Variants in FRMD3 observed in about 807,000 individuals in gnomAD.
FRMD3 encodes FERM domain containing 3, also known as FERM domain-containing protein 3.
A neutral mutation model predicts 70.2 loss-of-function variants in FRMD3; 33 were observed. The ratio of observed to expected loss-of-function variants is 0.47; its 90% CI spans 0.36 to 0.63. The LOEUF (loss-of-function observed/expected upper bound fraction) is 0.63, where lower values mean the gene tolerates loss of function less well. Among genes scored for constraint, FRMD3 ranks in the 20% least tolerant of loss-of-function variants. FRMD3 has a pLI of 0.00. For synonymous variants in FRMD3, 279 were observed against 255.9 expected (o/e 1.09, Z -0.86); for missense variants, 632 against 711.4 (o/e 0.89, Z 1.27).
At position 83,461,665 on chromosome 9, in the gene FRMD3, C is replaced by CTTTTT. The variant is rs200147815; in HGVS notation, c.148-71962_148-71958dup. On this transcript the variant is annotated intron_variant, in intron 1 of 13. Coordinates refer to ENST00000304195, the MANE Select transcript of FRMD3 (RefSeq NM_174938.6). ...AATCTTAATTCCTTCAGGAATTTCC[C>CTTTTT]TTTTTTTTTTTTTTTTTTTTTTTTT... Among the ~76,000 whole-genome samples the CTTTTT allele has an allele frequency of 4.2e-4, 30 of 70,692 alleles. 3 individuals carry two copies. Among genetic ancestry groups the CTTTTT allele is most frequent in the East Asian group, 7.5e-4 (2 of 2,676 alleles). 46.4% of individuals were successfully genotyped at this position (70,692 alleles called of 152,430 possible).
intron 1 of FRMD3, among the ~76,000 whole-genome samples, chr9:83,434,698 A>C (rs1827080944): frequency 6.6e-6 from 1 of 152,004 alleles, no homozygotes; most frequent in Non-Finnish European, 1.5e-5. Context: ...TTTCCAGTGG[A>C]GGTCAAGGAG....
chr9:83,343,002 C>T (rs1274696484), intron 5 of FRMD3, among the ~76,000 whole-genome samples, 188 bp downstream of exon 5: 1 of 152,130 alleles, frequency 6.6e-6, no homozygotes, highest in Non-Finnish European at 1.5e-5. Context: ...CTCAGCCCAG[C>T]CTTTCACCGG....
rs566418295 is a variant in FRMD3 at position 83,301,968 on chromosome 9, C to T, written c.927-2782G>A. ...AGACAGTTGCCTCAGAGCATTCCCA[C>T]GAATCCCCTGCCCTCCCAAATGTCC... On this transcript the variant is annotated intron_variant, in intron 10 of 13. Transcript: ENST00000304195. Among the ~76,000 whole-genome samples the T allele has an allele frequency of 5.3e-5, 8 of 152,318 alleles. No homozygotes were observed. The South Asian group carries it at 8.3e-4, about 16-fold the overall frequency.
Position 83,538,143 on chromosome 9 carries a change from T to G in FRMD3, c.89A>C (p.Gln30Pro). Residue 30 changes from glutamine (Q) to proline (P), a missense_variant, in exon 1 of 14, where the codon CAG (glutamine) becomes CCG (proline). Physicochemically the swap from Gln to Pro is moderately conservative, Grantham distance 76. This residue lies in a region of FRMD3 where 208 missense variants were observed against 247.7 expected (regional missense o/e 0.84). Transcript: ENST00000304195. This position sits in a 1 kb window ranked among gnomAD's most constrained non-coding sequence, Gnocchi z 4.7. ...FRSSSVKSLSQEMRCTIRLLD... is the reference protein window; with the variant it reads ...FRSSSVKSLSPEMRCTIRLLD... The stretch of plus-strand genomic sequence containing the variant: ...CAGCCGGATGGTGCATCTCATCTCC[T>G]GGCTGAGCGATTTGACGCTGGAGCT... 6.2e-7 allele frequency: 1 copy of G among 1,613,608 alleles called. No individual in the cohort carries two copies. Among genetic ancestry groups the G allele is most frequent in the Admixed American group, 1.7e-5 (1 of 59,990 alleles).
At position 83,537,907 on chromosome 9, in the gene FRMD3, C is replaced by A. The variant is rs1272372010; in HGVS notation, c.147+178G>T. 6.6e-6 allele frequency among the ~76,000 whole-genome samples: 1 copy of A among 151,968 alleles called. No individual in the cohort carries two copies. Among genetic ancestry groups the A allele is most frequent in the Non-Finnish European group, 1.5e-5 (1 of 67,972 alleles). On this transcript the variant is annotated intron_variant, in intron 1 of 13. Coordinates refer to ENST00000304195, the MANE Select transcript of FRMD3 (RefSeq NM_174938.6). The surrounding 1 kb of genome is among the most constrained non-coding windows in gnomAD (Gnocchi z 4.1). ...GCCTGGCGCTTGCAGGGCACCATGC[C>A]CCTCCATGCCAGGATAAGGCCCCCC...
chr9:83,280,674 G>A (rs1833947915), intron 13 of FRMD3, among the ~76,000 whole-genome samples: 1 of 151,934 alleles, frequency 6.6e-6, no homozygotes, highest in African/African-American at 2.4e-5. Context: ...AAAAATATTT[G>A]TGCATACAAA....
chr9:83,358,641 C>A (rs1415644485), intron 3 of FRMD3, among the ~76,000 whole-genome samples: 1 of 151,430 alleles, frequency 6.6e-6, no homozygotes, highest in Admixed American at 6.6e-5. Flanking sequence ...TTGTAGAGGT[C>A]TTTCACCTCC....
the FRMD3 span, among the ~76,000 whole-genome samples, chr9:83,555,564 T>C: frequency 6.6e-6 from 1 of 152,226 alleles, no homozygotes; most frequent in Non-Finnish European, 1.5e-5. Context: ...GCAATGCCAC[T>C]ACTGGTAGCC....
At chr9:83,385,732 G>A (rs1267104126) in intron 2 of FRMD3, among the ~76,000 whole-genome samples, 1 of 147,300 alleles carries the variant, frequency 6.8e-6, no homozygotes, top group Non-Finnish European at 1.5e-5. Context: ...AAAAATACAG[G>A]AGCTGGTGAA....
intron 13 of FRMD3, among the ~76,000 whole-genome samples, chr9:83,262,169 C>T (rs1833023733): frequency 2.0e-5 from 3 of 152,290 alleles, no homozygotes; most frequent in Middle Eastern, 3.4e-3. Context: ...TCAGAACCCT[C>T]CAATGAGATT....
intron 2 of FRMD3, among the ~76,000 whole-genome samples, chr9:83,381,540 A>G (rs1825355010): frequency 7.3e-6 from 1 of 137,212 alleles, no homozygotes; most frequent in South Asian, 2.3e-4. Context: ...TGGGTGGCAG[A>G]GTGCAAAAAA....
the FRMD3 span, among the ~76,000 whole-genome samples, chr9:83,584,061 C>T: frequency 9.2e-5 from 14 of 152,016 alleles, no homozygotes; most frequent in South Asian, 4.1e-4. Context: ...CTTGGCCGGG[C>T]GTGGTGGCTC....
intron 3 of FRMD3, among the ~76,000 whole-genome samples, chr9:83,366,176 T>C (rs1260750284): frequency 6.6e-6 from 1 of 151,772 alleles, no homozygotes; most frequent in African/African-American, 2.4e-5. Flanking sequence ...AAGCTCTTCA[T>C]ATGGAAGAAA....
chr9:83,270,460 C>T (rs1469557566), intron 13 of FRMD3, among the ~76,000 whole-genome samples: 1 of 152,134 alleles, frequency 6.6e-6, no homozygotes, highest in Non-Finnish European at 1.5e-5. Flanking sequence ...ATCTGGGAGC[C>T]CTGGTGCCTT....
At chr9:83,259,897 G>A (rs1924242) in intron 13 of FRMD3, among the ~76,000 whole-genome samples, 74,838 of 151,906 alleles carry the variant, frequency 0.49, 20,385 homozygotes, top group South Asian at 0.74. Flanking sequence ...GGTGAAGGAA[G>A]AGTGGGAGAG....
chr9:83,369,883 G>A (rs1029939474), intron 3 of FRMD3, among the ~76,000 whole-genome samples: 3 of 152,214 alleles, frequency 2.0e-5, no homozygotes, highest in South Asian at 2.1e-4. Context: ...ATAGAGGGAG[G>A]AGCAAGGAAA....
At chr9:83,390,293 C>A (rs182894185) in intron 1 of FRMD3, among the ~76,000 whole-genome samples, 3 of 152,310 alleles carry the variant, frequency 2.0e-5, no homozygotes, top group Non-Finnish European at 4.4e-5. Context: ...CCACTTTGAC[C>A]CCCTGGAGCA....
At chr9:83,520,118 T>C (rs1308949619) in intron 1 of FRMD3, among the ~76,000 whole-genome samples, 2 of 152,150 alleles carry the variant, frequency 1.3e-5, no homozygotes, top group African/African-American at 4.8e-5. Flanking sequence ...GTTCTGCACA[T>C]GTATCCCAGA....
chr9:83,465,865 C>G (rs1193243873), intron 1 of FRMD3, among the ~76,000 whole-genome samples: 1 of 152,190 alleles, frequency 6.6e-6, no homozygotes, highest in East Asian at 1.9e-4. Flanking sequence ...TTGAGAAAGT[C>G]TTAATCATGA....
Sources: allele counts gnomAD v4.1 joint callset (sites outside exome capture counted in the v4.1 genomes callset), GRCh38; gene constraint gnomAD v4.1.1; regional missense constraint gnomAD v4.1.1; non-coding constraint Gnocchi (gnomAD v3.1); transcripts MANE v1.5; gene names NCBI Gene and HGNC (gene_info 2026-07-23, HGNC 2026-07-21).